PTBP2: variants seen among roughly 807,000 people sequenced by gnomAD.
PTBP2 encodes polypyrimidine tract binding protein 2, also known as polypyrimidine tract-binding protein 2.
PTBP2 carries 13 observed loss-of-function variants against 61.4 expected under a neutral mutation model. The observed-to-expected ratio is 0.21, with a 90% CI of 0.14 to 0.34. PTBP2 has a LOEUF of 0.34. PTBP2 is among the 10% of genes least tolerant of loss of function. The probability of loss-of-function intolerance (pLI) is 1.00; values close to 1 mark genes in which losing one functional copy is unlikely to be tolerated. For missense variants in PTBP2, 405 were observed against 642.6 expected, an observed-to-expected ratio of 0.63 and a Z score of 4.00; for synonymous variants, 215 against 218.5, an observed-to-expected ratio of 0.98 and a Z score of 0.14.
chr1:96,785,395 C>A, intron 8 of PTBP2, 141 bp downstream of exon 8: 1 of 569,812 alleles, frequency 1.8e-6, no homozygotes, highest in Non-Finnish European at 2.9e-6. Context: ...AGTGAGAAGG[C>A]ATATGAATAC....
At position 96,749,803 on chromosome 1, in the gene PTBP2, C is replaced by T. The variant is rs554026400; in HGVS notation, c.40-1622C>T. On this transcript the variant is annotated intron_variant, in intron 2 of 13. Transcript: ENST00000674951. ...GGCACTTTGCCTGGTAATCACTGTT[C>T]GTGTATAATTTAATCCTAAGGGCTG... 385 of 347,850 alleles carry T rather than the reference C, an allele frequency of 1.1e-3. 2 individuals are homozygous for T. The highest frequency in any genetic ancestry group is 7.8e-3 in the South Asian group (363 of 46,292). 21.5% of individuals were successfully genotyped at this position (347,850 alleles called of 1,614,324 possible).
intron 10 of PTBP2, among the ~76,000 whole-genome samples, chr1:96,806,658 A>C (rs6699634): frequency 0.045 from 6,838 of 152,230 alleles, 483 homozygotes; most frequent in African/African-American, 0.15. Context: ...TATCATTCAC[A>C]TAGCTTTGAG....
intron 2 of PTBP2, among the ~76,000 whole-genome samples, chr1:96,733,025 T>TC (rs2100815404): frequency 6.6e-6 from 1 of 150,740 alleles, no homozygotes; most frequent in Admixed American, 6.6e-5. Context: ...TTCTTTCTTT[T>TC]TTTTTTTTTT....
intron 2 of PTBP2, among the ~76,000 whole-genome samples, chr1:96,725,301 GTT>G (rs34309895): frequency 4.4e-5 from 6 of 135,846 alleles, no homozygotes; most frequent in Non-Finnish European, 3.2e-5. Context: ...GGTTACACCA[GTT>G]TTTTTTTTTT....
exon 14 of PTBP2, chr1:96,823,400 A>C (rs368245231): frequency 3.3e-5 from 5 of 152,350 alleles, no homozygotes; most frequent in Admixed American, 1.3e-4. Context: ...AGAATCACTA[A>C]GATACAATTT....
At chr1:96,745,185 T>TA (rs982402111) in intron 2 of PTBP2, among the ~76,000 whole-genome samples, 2 of 149,352 alleles carry the variant, frequency 1.3e-5, no homozygotes, top group African/African-American at 4.9e-5. Context: ...TTTTTTTTTT[T>TA]AGAGTCTTGC....
chr1:96,764,510 CT>C (rs1333782251), intron 3 of PTBP2, among the ~76,000 whole-genome samples: 1 of 152,172 alleles, frequency 6.6e-6, no homozygotes, highest in Non-Finnish European at 1.5e-5. Flanking sequence ...GATTGTTACT[CT>C]GTAATAGCAG....
chr1:96,777,808 T>C, intron 6 of PTBP2, 28 bp from the exon 7 acceptor site: 1 of 1,535,440 alleles, frequency 6.5e-7, no homozygotes. Flanking sequence ...AGTAAATAAG[T>C]AATGTTTTGA....
intron 8 of PTBP2, among the ~76,000 whole-genome samples, chr1:96,786,214 A>G (rs971115900): frequency 1.3e-5 from 2 of 152,218 alleles, no homozygotes; most frequent in African/African-American, 4.8e-5. Context: ...CAGTTTGTGA[A>G]TATGAAATCT....
chr1:96,774,411 T>G (rs534312592), intron 5 of PTBP2, among the ~76,000 whole-genome samples: 6 of 151,824 alleles, frequency 4.0e-5, no homozygotes, highest in African/African-American at 1.5e-4. Flanking sequence ...TCCAGGAATT[T>G]GATAAAATTA....
At chr1:96,725,910 C>A (rs1331028813) in intron 2 of PTBP2, among the ~76,000 whole-genome samples, 1 of 151,036 alleles carries the variant, frequency 6.6e-6, no homozygotes, top group Non-Finnish European at 1.5e-5. Context: ...CCTGTCTTTA[C>A]TAAAAATACA....
At chr1:96,787,634 G>C (rs1185189093) in intron 8 of PTBP2, among the ~76,000 whole-genome samples, 1 of 151,986 alleles carries the variant, frequency 6.6e-6, no homozygotes, top group Non-Finnish European at 1.5e-5. Context: ...ATGGACCCTG[G>C]TTTTGATAAT....
At position 96,807,080 on chromosome 1, in the gene PTBP2, C is replaced by T. The variant is rs538032086; in HGVS notation, c.1171+122C>T. On this transcript the variant is annotated intron_variant, in intron 11 of 13. Coordinates refer to ENST00000674951, the MANE Select transcript of PTBP2 (RefSeq NM_021190.4). Reference sequence around the variant, plus strand: ...AGAAATTATTTTAATGGCCAGGGCTCAAAATGTCATTTTAATGTGAATAGT... The same window carrying T: ...AGAAATTATTTTAATGGCCAGGGCTTAAAATGTCATTTTAATGTGAATAGT... The T allele has an allele frequency of 5.9e-6, 4 of 675,008 alleles. 1 individual carries two copies. The South Asian group carries it at 6.5e-5, about 11-fold the overall frequency. The allele number at this position is 675,008 out of a possible 1,614,324, so 41.8% of individuals were successfully genotyped here.
chr1:96,782,059 G>T (rs1025626766), intron 7 of PTBP2, among the ~76,000 whole-genome samples: 1 of 151,842 alleles, frequency 6.6e-6, no homozygotes, highest in African/African-American at 2.4e-5. Flanking sequence ...TTTCACCTGG[G>T]ATTTAAAAAT....
chr1:96,752,931 A>C (rs572641499), intron 3 of PTBP2, among the ~76,000 whole-genome samples: 1 of 152,068 alleles, frequency 6.6e-6, no homozygotes, highest in African/African-American at 2.4e-5. Flanking sequence ...GTCTTGGACT[A>C]TTTTACTGCT....
intron 8 of PTBP2, among the ~76,000 whole-genome samples, chr1:96,799,316 G>C (rs1490134741): frequency 1.8e-5 from 1 of 55,536 alleles, no homozygotes; most frequent in Non-Finnish European, 2.9e-5. Flanking sequence ...TTTTTTTTGA[G>C]ATGGAGTCTT....
chr1:96,799,377 A>G (rs2101149749), intron 8 of PTBP2, among the ~76,000 whole-genome samples: 1 of 145,148 alleles, frequency 6.9e-6, no homozygotes, highest in East Asian at 2.0e-4. Flanking sequence ...CTCACTGCAA[A>G]CTCGGCCTCC....
chr1:96,796,290 CAAA>C (rs35764825), intron 8 of PTBP2, among the ~76,000 whole-genome samples: 20 of 123,042 alleles, frequency 1.6e-4, no homozygotes, highest in Non-Finnish European at 1.2e-4. Flanking sequence ...CCGTCTCCAC[CAAA>C]AAAAAAAAAA....
chr1:96,722,994 A>G (rs1470867048), intron 1 of PTBP2, among the ~76,000 whole-genome samples: 1 of 152,230 alleles, frequency 6.6e-6, no homozygotes, highest in East Asian at 1.9e-4. Context: ...TGAGTATTTG[A>G]AGAATCAACA....
Sources: allele counts gnomAD v4.1 joint callset (sites outside exome capture counted in the v4.1 genomes callset), GRCh38; gene constraint gnomAD v4.1.1; transcripts MANE v1.5; gene names NCBI Gene and HGNC (gene_info 2026-07-23, HGNC 2026-07-21).